The following SGCG variants were observed in gnomAD, a reference collection of about 807,000 sequenced individuals.
SGCG encodes gamma-sarcoglycan.
In SGCG, 26 loss-of-function variants were observed where a neutral mutation model predicts 29.3. That is an observed-to-expected ratio of 0.89 (90% CI 0.65 to 1.23). The LOEUF (loss-of-function observed/expected upper bound fraction) is 1.23, where lower values mean the gene tolerates loss of function less well. Among genes scored for constraint, SGCG ranks in the 50% most tolerant of loss-of-function variants. SGCG has a pLI of 0.00. For synonymous variants in SGCG, 145 were observed against 129.7 expected (o/e 1.12, Z -0.80); for missense variants, 353 against 356.0 (o/e 0.99, Z 0.07).
intron 3 of SGCG, among the ~76,000 whole-genome samples, chr13:23,236,332 A>T (rs962561830): frequency 2.0e-5 from 3 of 152,170 alleles, no homozygotes; most frequent in Admixed American, 6.6e-5. Flanking sequence ...TGGTCCAGTG[A>T]CTGAAATCAG....
At chr13:23,253,176 G>A (rs770616274) in intron 4 of SGCG, among the ~76,000 whole-genome samples, 2 of 152,148 alleles carry the variant, frequency 1.3e-5, no homozygotes, top group African/African-American at 4.8e-5. Flanking sequence ...AAGCCTAGGA[G>A]TTCAGGGCTT....
At chr13:23,201,345 C>G (rs1046664923) in intron 1 of SGCG, among the ~76,000 whole-genome samples, 2 of 138,512 alleles carry the variant, frequency 1.4e-5, no homozygotes, top group African/African-American at 5.5e-5. Flanking sequence ...ACCCCTGGAA[C>G]CTGTGAAGAG....
chr13:23,318,768 G>T (rs1489231994), intron 6 of SGCG, among the ~76,000 whole-genome samples: 2 of 152,268 alleles, frequency 1.3e-5, no homozygotes, highest in East Asian at 3.9e-4. Flanking sequence ...CAAAGGGTAA[G>T]AAGTTTGCTC....
intron 1 of SGCG, among the ~76,000 whole-genome samples, chr13:23,195,204 C>T (rs1412323349): frequency 6.6e-6 from 1 of 152,148 alleles, no homozygotes; most frequent in African/African-American, 2.4e-5. Flanking sequence ...GTTAATGTTT[C>T]TGGATGTTGG....
chr13:23,242,562 A>C (rs910432828), intron 3 of SGCG, among the ~76,000 whole-genome samples: 3 of 152,222 alleles, frequency 2.0e-5, no homozygotes, highest in African/African-American at 7.2e-5. Flanking sequence ...AGCTGTATTC[A>C]AACAGGTACA....
At chr13:23,290,482 A>C (rs955131348) in intron 5 of SGCG, among the ~76,000 whole-genome samples, 1 of 152,198 alleles carries the variant, frequency 6.6e-6, no homozygotes, top group African/African-American at 2.4e-5. Flanking sequence ...TGGACCCAGG[A>C]GAGATGACAG....
chr13:23,173,001 A>C, the SGCG span, among the ~76,000 whole-genome samples: 1 of 152,236 alleles, frequency 6.6e-6, no homozygotes, highest in Non-Finnish European at 1.5e-5. Context: ...AGATTGAGAA[A>C]AATCATATCT....
intron 3 of SGCG, chr13:23,245,828 A>C (rs1048040242): frequency 1.3e-5 from 2 of 152,180 alleles, no homozygotes; most frequent in African/African-American, 2.4e-5. Context: ...ATGGTGATTG[A>C]GCGCCCCTCT....
intron 3 of SGCG, among the ~76,000 whole-genome samples, chr13:23,249,900 T>A (rs201285270): frequency 0.035 from 5,342 of 152,286 alleles, 202 homozygotes; most frequent in East Asian, 0.21. Context: ...TAAAGTAGCT[T>A]GCAGTGGGGA....
intron 3 of SGCG, chr13:23,245,479 G>C (rs1289990297): frequency 2.0e-5 from 3 of 152,148 alleles, no homozygotes; most frequent in Non-Finnish European, 4.4e-5. Flanking sequence ...TCAAGCCTAG[G>C]AGAGTGTCTC....
At chr13:23,311,914 A>G (rs902494684) in intron 6 of SGCG, among the ~76,000 whole-genome samples, 2 of 151,682 alleles carry the variant, frequency 1.3e-5, no homozygotes, top group Non-Finnish European at 2.9e-5. Flanking sequence ...ACTCCTTTCA[A>G]CTTTTCTCCT....
intron 5 of SGCG, among the ~76,000 whole-genome samples, chr13:23,290,085 G>A (rs1440122132): frequency 6.6e-6 from 1 of 152,212 alleles, no homozygotes; most frequent in Non-Finnish European, 1.5e-5. Flanking sequence ...GCAGCCAGGA[G>A]GAGACTCAAA....
chr13:23,320,837 G>C, intron 7 of SGCG, 77 bp downstream of exon 7: 1 of 1,450,222 alleles, frequency 6.9e-7, no homozygotes, highest in South Asian at 1.2e-5. Flanking sequence ...AAAGCTATCA[G>C]TATTAAATTT....
intron 2 of SGCG, among the ~76,000 whole-genome samples, chr13:23,226,170 A>G (rs920795902): frequency 6.6e-6 from 1 of 152,232 alleles, no homozygotes; most frequent in Non-Finnish European, 1.5e-5. Context: ...AACTATTACT[A>G]CAAGACATTA....
At chr13:23,221,922 C>T (rs1427845126) in intron 2 of SGCG, among the ~76,000 whole-genome samples, 1 of 152,120 alleles carries the variant, frequency 6.6e-6, no homozygotes, top group Non-Finnish European at 1.5e-5. Context: ...TGAAAGCCAT[C>T]GGAGACTTTT....
chr13:23,239,861 GATAA>G (rs1879442550), intron 3 of SGCG, among the ~76,000 whole-genome samples: 1 of 152,036 alleles, frequency 6.6e-6, no homozygotes, highest in Admixed American at 6.6e-5. Flanking sequence ...AAAATGAAAT[GATAA>G]ATAATTAATC....
intron 4 of SGCG, among the ~76,000 whole-genome samples, chr13:23,271,771 C>T (rs1251838028): frequency 6.6e-6 from 1 of 152,208 alleles, no homozygotes; most frequent in African/African-American, 2.4e-5. Flanking sequence ...GAAGAAATGA[C>T]ATCCTATAAT....
At chr13:23,304,488 T>C (rs939209301) in intron 6 of SGCG, among the ~76,000 whole-genome samples, 1 of 152,140 alleles carries the variant, frequency 6.6e-6, no homozygotes, top group Non-Finnish European at 1.5e-5. Flanking sequence ...ATACAACCTT[T>C]ACCACCAAAT....
At chr13:23,224,963 C>T (rs1021247071) in intron 2 of SGCG, among the ~76,000 whole-genome samples, 3 of 152,070 alleles carry the variant, frequency 2.0e-5, no homozygotes, top group Non-Finnish European at 4.4e-5. Flanking sequence ...TGCCAGTGAG[C>T]ACGGTCCCTG....
Sources: gnomAD v4.1 joint callset for allele counts (sites outside exome capture counted in the v4.1 genomes callset) on GRCh38, gnomAD v4.1.1 for gene constraint, MANE v1.5 for transcripts, NCBI Gene and HGNC (gene_info 2026-07-23, HGNC 2026-07-21) for gene names.